Variants in GPRC6A observed in about 807,000 individuals in gnomAD.
GPRC6A encodes G protein-coupled receptor class C group 6 member A.
A neutral mutation model predicts 47.0 loss-of-function variants in GPRC6A; 54 were observed. That is an observed-to-expected ratio of 1.15 (90% CI 0.92 to 1.44). The LOEUF is 1.44. Ranked by LOEUF, GPRC6A falls within the 40% of genes most tolerant of loss-of-function variation. GPRC6A has a pLI of 0.00. For synonymous variants in GPRC6A, 347 were observed against 377.1 expected (o/e 0.92, Z 0.93); for missense variants, 1,112 against 1,105.5 (o/e 1.01, Z -0.08).
At chr6:116,806,333 T>C (rs754427654) in intron 3 of GPRC6A, 37 bp downstream of exon 3, 3 of 1,294,810 alleles carry the variant, frequency 2.3e-6, no homozygotes, top group Non-Finnish European at 3.3e-6. Context: ...GGGAAAATGA[T>C]GGTAGAAGAG....
intron 1 of GPRC6A, among the ~76,000 whole-genome samples, chr6:116,817,436 A>G: frequency 6.6e-6 from 1 of 151,560 alleles, no homozygotes; most frequent in South Asian, 2.1e-4. Context: ...AAAGATGGGG[A>G]AAAAACAGAA....
At chr6:116,808,305 T>C (rs1289879321) in intron 2 of GPRC6A, among the ~76,000 whole-genome samples, 4 of 152,264 alleles carry the variant, frequency 2.6e-5, no homozygotes, top group East Asian at 3.9e-4. Context: ...CCCCTTACCT[T>C]TTCTGCCGTC....
intron 1 of GPRC6A, 29 bp downstream of exon 1, chr6:116,828,791 T>C: frequency 6.3e-7 from 1 of 1,584,042 alleles, no homozygotes; most frequent in Non-Finnish European, 8.6e-7. Flanking sequence ...AATCTTGAAA[T>C]CTAAACGTGT....
At chr6:116,819,840 G>T (rs528464978) in intron 1 of GPRC6A, among the ~76,000 whole-genome samples, 2,149 of 150,278 alleles carry the variant, frequency 0.014, 21 homozygotes, top group Non-Finnish European at 0.024. Flanking sequence ...CTAGCAGAAG[G>T]CAAGAAATAA....
At chr6:116,821,919 AG>A (rs1418348651) in intron 1 of GPRC6A, among the ~76,000 whole-genome samples, 1 of 149,974 alleles carries the variant, frequency 6.7e-6, no homozygotes, top group African/African-American at 2.5e-5. Flanking sequence ...CAGAGTGAAC[AG>A]GCAACCTACA....
intron 4 of GPRC6A, among the ~76,000 whole-genome samples, chr6:116,800,076 AG>A (rs1772610978): frequency 6.6e-6 from 1 of 152,186 alleles, no homozygotes; most frequent in Non-Finnish European, 1.5e-5. Flanking sequence ...CCATCTAGGA[AG>A]GTGAGTTCAT....
chr6:116,824,347 C>A (rs990747788), intron 1 of GPRC6A, among the ~76,000 whole-genome samples: 1 of 151,324 alleles, frequency 6.6e-6, no homozygotes, highest in Admixed American at 6.6e-5. Flanking sequence ...AAATCATTAG[C>A]TAGATTAACT....
chr6:116,819,394 A>G (rs1483097006), intron 1 of GPRC6A, among the ~76,000 whole-genome samples: 5 of 151,280 alleles, frequency 3.3e-5, no homozygotes, highest in Admixed American at 1.3e-4. Flanking sequence ...CCCCAAATCA[A>G]CAGAATATAC....
At chr6:116,803,352 AT>A (rs1444281875) in intron 3 of GPRC6A, among the ~76,000 whole-genome samples, 1 of 152,054 alleles carries the variant, frequency 6.6e-6, no homozygotes, top group Admixed American at 6.6e-5. Context: ...GATGGAAAAA[AT>A]ATCATATCAC....
intron 1 of GPRC6A, among the ~76,000 whole-genome samples, chr6:116,817,541 G>C (rs1394072042): frequency 6.6e-6 from 1 of 152,256 alleles, no homozygotes; most frequent in Non-Finnish European, 1.5e-5. Context: ...GATGGAGAAT[G>C]ACGAGCTGAG....
chr6:116,812,728 A>G (rs993498358), intron 1 of GPRC6A, among the ~76,000 whole-genome samples: 1 of 152,188 alleles, frequency 6.6e-6, no homozygotes, highest in Admixed American at 6.5e-5. Context: ...CACCACTCCT[A>G]TTCAACATAG....
rs1554263527 is a variant in GPRC6A at position 116,818,532 on chromosome 6, T to TCAA, written c.195-8916_195-8915insTTG. On this transcript the variant is annotated intron_variant, in intron 1 of 5. Coordinates refer to ENST00000310357, the MANE Select transcript of GPRC6A (RefSeq NM_148963.4). The stretch of plus-strand genomic sequence containing the variant: ...CTGGGCGACAGAGCGAGACTCCGTC[T>TCAA]AAAAAAAAAAAAAAAAAAAAAAAAA... Among the ~76,000 whole-genome samples, 95 of 15,510 alleles carry TCAA rather than the reference T, an allele frequency of 6.1e-3. 28 individuals carry two copies. The highest frequency in any genetic ancestry group is 0.022 in the South Asian group (6 of 270). The allele number at this position is 15,510 out of a possible 152,430, so 10.2% of individuals were successfully genotyped here.
chr6:116,808,950 A>G (rs1772937897), intron 2 of GPRC6A, among the ~76,000 whole-genome samples: 1 of 152,148 alleles, frequency 6.6e-6, no homozygotes, highest in African/African-American at 2.4e-5. Flanking sequence ...CAACATGCAA[A>G]CCGTCCCAGG....
At chr6:116,821,417 A>G (rs1773471775) in intron 1 of GPRC6A, among the ~76,000 whole-genome samples, 1 of 152,138 alleles carries the variant, frequency 6.6e-6, no homozygotes, top group Non-Finnish European at 1.5e-5. Context: ...TCCTAAGCCA[A>G]AAGAACAAAG....
chr6:116,798,806 C>T (rs1029399327), intron 4 of GPRC6A, among the ~76,000 whole-genome samples: 1 of 151,172 alleles, frequency 6.6e-6, no homozygotes, highest in Non-Finnish European at 1.5e-5. Flanking sequence ...ATGCTTGAAC[C>T]TGGGAGGCGG....
At position 116,792,791 on chromosome 6, in the gene GPRC6A, C is replaced by T. The variant is rs747576434; in HGVS notation, c.2132G>A (p.Cys711Tyr). 6.2e-7 allele frequency: 1 copy of T among 1,614,004 alleles called. No homozygotes were observed. Among genetic ancestry groups the T allele is most frequent in the East Asian group, 2.2e-5 (1 of 44,882 alleles). ...LYRPILIIFT[C>Y]TGIQVVICTL... Reference sequence around the variant, plus strand: ...GCAAATGACAACCTGGATGCCCGTGCAAGTGAAGATAATAAGGATCGGTCT... The same window carrying T: ...GCAAATGACAACCTGGATGCCCGTGTAAGTGAAGATAATAAGGATCGGTCT... The change falls in exon 6 of 6, where the codon TGC (cysteine) becomes TAC (tyrosine). Residue 711 changes from cysteine (C) to tyrosine (Y), a missense_variant. By Grantham distance (194) the Cys-to-Tyr change is radical (BLOSUM62 -2). Coordinates refer to ENST00000310357, the MANE Select transcript of GPRC6A (RefSeq NM_148963.4).
chr6:116,800,528 T>C, intron 4 of GPRC6A, 56 bp downstream of exon 4: 2 of 1,075,766 alleles, frequency 1.9e-6, no homozygotes, highest in South Asian at 2.5e-5. Flanking sequence ...CAAGGACTTT[T>C]GCAGTTGAGG....
chr6:116,819,922 T>C (rs1195263786), intron 1 of GPRC6A, among the ~76,000 whole-genome samples: 2 of 149,478 alleles, frequency 1.3e-5, no homozygotes, highest in African/African-American at 2.5e-5. Context: ...ATCCAGGAGC[T>C]GGTTTTTTGA....
intron 4 of GPRC6A, among the ~76,000 whole-genome samples, chr6:116,796,189 A>G (rs1230539630): frequency 6.6e-6 from 1 of 152,148 alleles, no homozygotes; most frequent in East Asian, 1.9e-4. Context: ...GTTCCACTAG[A>G]TAAGAAAATA....
Sources: allele counts gnomAD v4.1 joint callset (sites outside exome capture counted in the v4.1 genomes callset), GRCh38; gene constraint gnomAD v4.1.1; transcripts MANE v1.5; gene names NCBI Gene and HGNC (gene_info 2026-07-23, HGNC 2026-07-21).